The following SYBU variants were observed in gnomAD, a reference collection of about 807,000 sequenced individuals.
SYBU encodes syntabulin, also known as GOLSYN A protein.
In SYBU, 21 loss-of-function variants were observed where a neutral mutation model predicts 35.9. The ratio of observed to expected loss-of-function variants is 0.58; its 90% CI spans 0.41 to 0.84. SYBU has a LOEUF of 0.84. Among genes scored for constraint, SYBU ranks in the 40% least tolerant of loss-of-function variants. The pLI is 0.00. For missense variants in SYBU, 768 were observed against 848.2 expected, an observed-to-expected ratio of 0.91 and a Z score of 1.17; for synonymous variants, 319 against 324.3, an observed-to-expected ratio of 0.98 and a Z score of 0.18.
rs543185960 is a variant in SYBU, at chr8:109,669,337, G to A, written c.-129+11374C>T. Among the ~76,000 whole-genome samples, 39 of 67,050 alleles carry A rather than the reference G, an allele frequency of 5.8e-4. 2 individuals carry two copies. In the South Asian group the frequency reaches 0.02, roughly 34 times the overall value. 44.0% of individuals were successfully genotyped at this position (67,050 alleles called of 152,430 possible). On this transcript the variant is annotated intron_variant, in intron 1 of 5. Coordinates refer to the SYBU transcript ENST00000408889. The stretch of plus-strand genomic sequence containing the variant: ...AGCCTGGGCGACAGAGTGAGACTCC[G>A]TCAAAAAAAAAAAAAAAAAAAAAAA...
In SYBU at chr8:109,630,281, G is replaced by C. The variant is rs1293747053; in HGVS notation, c.230-11242C>G. Among the ~76,000 whole-genome samples the C allele has an allele frequency of 5.9e-5, 7 of 119,476 alleles. No homozygotes were observed. The East Asian group carries it at 1.2e-3, about 20-fold the overall frequency. The allele number at this position is 119,476 out of a possible 152,430, so 78.4% of individuals were successfully genotyped here. ...CACTCTGGGGACTGTCGTGGGGTGGGGGGAGGGGGGAGGGATAGCATTGGG... is the reference window on the plus strand; with the variant it reads ...CACTCTGGGGACTGTCGTGGGGTGGCGGGAGGGGGGAGGGATAGCATTGGG... On this transcript the variant is annotated intron_variant, in intron 2 of 6. Coordinates refer to ENST00000276646, the MANE Select transcript of SYBU (RefSeq NM_001099754.2).
At chr8:109,667,117 T>C (rs1018808507) in intron 1 of SYBU, among the ~76,000 whole-genome samples, 2 of 152,288 alleles carry the variant, frequency 1.3e-5, no homozygotes, top group South Asian at 4.1e-4. Flanking sequence ...ACTATTGTTA[T>C]TATTATTTCC....
In SYBU at chr8:109,691,016, A is replaced by G. The variant is rs1817632090; in HGVS notation, c.-58+317T>C. On this transcript the variant is annotated intron_variant, in intron 1 of 7. Coordinates refer to the SYBU transcript ENST00000422135. The surrounding 1 kb of genome is among the most constrained non-coding windows in gnomAD (Gnocchi z 4.7). ...ACCAGTAAAGGGAGATTCAAAACCG[A>G]CGGCCTATACATTAGCCTGGCTAAT... is the stretch of plus-strand genomic sequence containing the variant. 6.6e-6 allele frequency among the ~76,000 whole-genome samples: 1 copy of G among 152,150 alleles called. No homozygotes were observed. Among genetic ancestry groups the G allele is most frequent in the Non-Finnish European group, 1.5e-5 (1 of 68,030 alleles).
chr8:109,626,157 CTT>C (rs1024951561), intron 2 of SYBU, among the ~76,000 whole-genome samples: 4 of 152,184 alleles, frequency 2.6e-5, no homozygotes, highest in Admixed American at 6.5e-5. Flanking sequence ...TGTAAGAACT[CTT>C]TATATGTTAA....
chr8:109,687,132 C>T (rs1817536965), intron 1 of SYBU, among the ~76,000 whole-genome samples: 1 of 151,854 alleles, frequency 6.6e-6, no homozygotes, highest in Non-Finnish European at 1.5e-5. Flanking sequence ...TATGGCTTAC[C>T]ATAAGAAATA....
intron 1 of SYBU, among the ~76,000 whole-genome samples, chr8:109,649,931 T>C (rs1259377550): frequency 6.6e-6 from 1 of 152,218 alleles, no homozygotes; most frequent in African/African-American, 2.4e-5. Flanking sequence ...GACAATCTGT[T>C]GGTCTCACAG....
chr8:109,632,326 C>T (rs1435134370), intron 2 of SYBU, among the ~76,000 whole-genome samples: 1 of 152,180 alleles, frequency 6.6e-6, no homozygotes, highest in African/African-American at 2.4e-5. Context: ...CAGGCATGAG[C>T]CACCGTGCCC....
In SYBU at chr8:109,575,758, G is replaced by A. The variant is rs1310710298; in HGVS notation, c.1140C>T (p.His380=). ...ACAGTTCGTCCCTCAGAGAGCCACTGTGTGCCATCTCCATGCTCTGAAGGA... is the reference window on the plus strand; with the variant it reads ...ACAGTTCGTCCCTCAGAGAGCCACTATGTGCCATCTCCATGCTCTGAAGGA... ...ESLLQSMEMA[H]SGSLRDELCL... The change falls in exon 7 of 7, where the codon CAC becomes CAT. Residue 380 remains histidine, a synonymous_variant. Transcript: ENST00000276646. The A allele has an allele frequency of 1.2e-5, 20 of 1,614,190 alleles. No individual in the cohort carries two copies. The highest frequency in any genetic ancestry group is 1.5e-5 in the Non-Finnish European group (18 of 1,180,036).
At chr8:109,688,998 T>G (rs535296978) in intron 1 of SYBU, among the ~76,000 whole-genome samples, 2 of 152,252 alleles carry the variant, frequency 1.3e-5, no homozygotes, top group South Asian at 4.1e-4. Context: ...TATATGCAGG[T>G]GTTAGTTTGT....
rs543795314 is a variant in SYBU, at chr8:109,622,666, G to A, written c.230-3627C>T. The stretch of plus-strand genomic sequence containing the variant: ...AGATTTATTTATTAAACCTGCTTCA[G>A]TTAAACTATGGGAATGTGCCTTCTG... On this transcript the variant is annotated intron_variant, in intron 2 of 6. Coordinates refer to ENST00000276646, the MANE Select transcript of SYBU (RefSeq NM_001099754.2). Among the ~76,000 whole-genome samples the A allele has an allele frequency of 2.0e-5, 3 of 152,274 alleles. No homozygotes were observed. The South Asian group carries it at 6.2e-4, about 32-fold the overall frequency.
At chr8:109,649,148 G>A (rs370814033), upstream of SYBU, among the ~76,000 whole-genome samples, 7 of 151,222 alleles carry the variant, frequency 4.6e-5, no homozygotes, top group East Asian at 2.0e-4. Context: ...GACTACAGGC[G>A]CGCACCACCA....
intron 6 of SYBU, among the ~76,000 whole-genome samples, chr8:109,576,602 T>C (rs1333535559): frequency 6.6e-6 from 1 of 152,144 alleles, no homozygotes; most frequent in Admixed American, 6.5e-5. Context: ...ATTTTTGAAA[T>C]AATAAAATGC....
At chr8:109,604,525 G>A (rs886470147) in intron 3 of SYBU, among the ~76,000 whole-genome samples, 1 of 152,166 alleles carries the variant, frequency 6.6e-6, no homozygotes, top group Non-Finnish European at 1.5e-5. Context: ...AAAAACAAAT[G>A]AGTAGCATTA....
intron 5 of SYBU, among the ~76,000 whole-genome samples, chr8:109,578,975 A>G (rs1822689479): frequency 6.6e-6 from 1 of 152,174 alleles, no homozygotes; most frequent in Non-Finnish European, 1.5e-5. Context: ...TGTTTTACAA[A>G]ACAGCCCTTG....
At chr8:109,632,287 C>T (rs370359031) in intron 2 of SYBU, among the ~76,000 whole-genome samples, 5 of 152,194 alleles carry the variant, frequency 3.3e-5, no homozygotes, top group Admixed American at 6.5e-5. Context: ...ATGACCTGCC[C>T]GCCTTGGCCT....
At chr8:109,578,995 T>C (rs1054291252) in intron 5 of SYBU, among the ~76,000 whole-genome samples, 3 of 152,206 alleles carry the variant, frequency 2.0e-5, no homozygotes, top group East Asian at 1.9e-4. Flanking sequence ...GCTGGAATCT[T>C]GGCCCCTCTC....
chr8:109,678,150 A>G (rs1269170650), intron 1 of SYBU, among the ~76,000 whole-genome samples: 2 of 150,264 alleles, frequency 1.3e-5, no homozygotes, highest in East Asian at 3.9e-4. Context: ...AAAAAAAAAA[A>G]AAAAAAAAAG....
chr8:109,613,007 A>T (rs1811358979), intron 3 of SYBU, among the ~76,000 whole-genome samples: 1 of 146,206 alleles, frequency 6.8e-6, no homozygotes, highest in Non-Finnish European at 1.5e-5. Context: ...GAAGAAGAAG[A>T]AAAGAAAAAA....
chr8:109,684,321 G>T (rs1453515822), upstream of SYBU, among the ~76,000 whole-genome samples: 1 of 152,150 alleles, frequency 6.6e-6, no homozygotes, highest in Non-Finnish European at 1.5e-5. Context: ...ACTTCTTTAT[G>T]AAAAGTGATC....
Sources: allele counts gnomAD v4.1 joint callset (sites outside exome capture counted in the v4.1 genomes callset), GRCh38; gene constraint gnomAD v4.1.1; non-coding constraint Gnocchi (gnomAD v3.1); transcripts MANE v1.5; gene names NCBI Gene and HGNC (gene_info 2026-07-23, HGNC 2026-07-21).